The following GIMAP1 variants were observed in gnomAD, a reference collection of about 807,000 sequenced individuals.
GIMAP1 encodes the protein GTPase, IMAP family member 1, also known as GTPase IMAP family member 1.
For missense variants in GIMAP1, 423 were observed against 411.9 expected (o/e 1.03, Z -0.23); for synonymous variants, 230 against 187.7 (o/e 1.23, Z -1.84).
Position 150,719,033 on chromosome 7 carries a change from C to T in GIMAP1, c.-6-9C>T, listed in dbSNP as rs373631472. 1.3e-4 allele frequency: 207 copies of T among 1,613,978 alleles called. No individual in the cohort carries two copies. Among genetic ancestry groups the T allele is most frequent in the Non-Finnish European group, 1.7e-4 (198 of 1,180,020 alleles). On this transcript the variant is annotated splice_polypyrimidine_tract_variant and intron_variant, in intron 1 of 2. Transcript: ENST00000307194. ...ATGAATTAACAAATTGTGTTTGGGACTCTTCCAGGTAAGCATGGGAGGAAG... is the reference window on the plus strand; with the variant it reads ...ATGAATTAACAAATTGTGTTTGGGATTCTTCCAGGTAAGCATGGGAGGAAG...
Position 150,720,662 on chromosome 7 carries a change from T to G in GIMAP1, c.658T>G (p.Tyr220Asp). The G allele has an allele frequency of 6.2e-7, 1 of 1,606,568 alleles. No homozygotes were observed. The change falls in exon 3 of 3, where the codon TAC (tyrosine) becomes GAC (aspartate). Residue 220 changes from tyrosine (Y) to aspartate (D), a missense_variant. Tyr to Asp is a radical substitution (Grantham distance 160, BLOSUM62 -3). Transcript: ENST00000307194. This position sits in a 1 kb window ranked among gnomAD's most constrained non-coding sequence, Gnocchi z 4.5. ...GLVLEHKGAHYSNEVYELAQV... is the reference protein window; with the variant it reads ...GLVLEHKGAHDSNEVYELAQV... ...GGTGCTGGAGCACAAGGGCGCCCAT[T>G]ACTCCAACGAGGTGTATGAGCTGGC...
chr7:150,720,013 A>C lies in GIMAP1; in HGVS notation c.44-35A>C. 6.6e-7 allele frequency: 1 copy of C among 1,514,938 alleles called. No individual in the cohort carries two copies. The highest frequency in any genetic ancestry group is 1.8e-4 in the Middle Eastern group (1 of 5,610). 93.8% of individuals were successfully genotyped at this position (1,514,938 alleles called of 1,614,324 possible). A position where few individuals can be genotyped will look rare whatever the true frequency, so the allele number is the denominator to read the frequency against. On this transcript the variant is annotated intron_variant, in intron 2 of 2. Coordinates refer to ENST00000307194, the MANE Select transcript of GIMAP1 (RefSeq NM_130759.4). This position sits in a 1 kb window ranked among gnomAD's most constrained non-coding sequence, Gnocchi z 4.5. Reference sequence around the variant, plus strand: ...TCCAGTTCCCAAGGGGAAGTTGGTTAAACTTAAGTAAGATTATAACACTTG... The same window carrying C: ...TCCAGTTCCCAAGGGGAAGTTGGTTCAACTTAAGTAAGATTATAACACTTG...
Position 150,720,395 on chromosome 7 carries a change from G to A in GIMAP1, c.391G>A (p.Ala131Thr). The change falls in exon 3 of 3, where the codon GCG becomes ACG. Residue 131 changes from alanine (A) to threonine (T), a missense_variant. By Grantham distance (58) the Ala-to-Thr change is moderately conservative. Coordinates refer to ENST00000307194, the MANE Select transcript of GIMAP1 (RefSeq NM_130759.4). This position sits in a 1 kb window ranked among gnomAD's most constrained non-coding sequence, Gnocchi z 4.5. The stretch of plus-strand genomic sequence containing the variant: ...TCGGTTCACCGCCCAGGACCAGCAG[G>A]CGGTGAGGCAGGTGAGGGACATGTT... ...LGRFTAQDQQ[A>T]VRQVRDMFGE... The A allele has an allele frequency of 6.3e-7, 1 of 1,593,244 alleles. No homozygotes were observed. The highest frequency in any genetic ancestry group is 8.6e-7 in the Non-Finnish European group (1 of 1,167,376).
rs1426208275 is a variant in GIMAP1 at position 150,722,884 on chromosome 7, G to A, written c.*1959G>A. On this transcript the variant is annotated 3_prime_UTR_variant, in exon 3 of 3. Coordinates refer to ENST00000307194, the MANE Select transcript of GIMAP1 (RefSeq NM_130759.4). ...GCCAAAACTTCCAGCTGTTGCCTTA[G>A]CAATGGTAACCTGACGTGGCACTGG... The A allele has an allele frequency of 2.6e-5, 4 of 152,208 alleles. No homozygotes were observed. Among genetic ancestry groups the A allele is most frequent in the Non-Finnish European group, 5.9e-5 (4 of 68,054 alleles). The allele number at this position is 152,208 out of a possible 1,614,324, so 9.4% of individuals were successfully genotyped here.
chr7:150,722,757 T>A lies in GIMAP1; in HGVS notation c.*1832T>A, dbSNP rs936174209. ...GGAAGCAGTACTGCAATCACATTTA[T>A]ACCCACTTTCAACTATATGCAAATT... On this transcript the variant is annotated 3_prime_UTR_variant, in exon 3 of 3. Transcript: ENST00000307194. The A allele has an allele frequency of 5.9e-5, 9 of 152,290 alleles. No homozygotes were observed. The highest frequency in any genetic ancestry group is 2.2e-4 in the African/African-American group (9 of 41,472). The allele number at this position is 152,290 out of a possible 1,614,324, so 9.4% of individuals were successfully genotyped here. A position where few individuals can be genotyped will look rare whatever the true frequency, so the allele number is the denominator to read the frequency against.
At position 150,720,323 on chromosome 7, in the gene GIMAP1, C is replaced by T. The variant is rs371565531; in HGVS notation, c.319C>T (p.Leu107Phe). The T allele has an allele frequency of 5.6e-6, 9 of 1,613,968 alleles. No homozygotes were observed. Among genetic ancestry groups the T allele is most frequent in the African/African-American group, 1.3e-5 (1 of 74,960 alleles). The change falls in exon 3 of 3, where the codon CTC becomes TTC. Residue 107 changes from leucine to phenylalanine, a missense_variant. Coordinates refer to ENST00000307194, the MANE Select transcript of GIMAP1 (RefSeq NM_130759.4). The surrounding 1 kb of genome is among the most constrained non-coding windows in gnomAD (Gnocchi z 4.5). ...GCEERGHCYL[L>F]SAPGPHALLL... is the part of the protein sequence containing the mutation. ...TGAGGAGAGAGGTCACTGCTACCTG[C>T]TCTCGGCCCCCGGACCCCACGCGCT... is the stretch of plus-strand genomic sequence containing the variant.
intron 1 of GIMAP1, among the ~76,000 whole-genome samples, chr7:150,718,507 G>A (rs1797248390): frequency 6.6e-6 from 1 of 152,122 alleles, no homozygotes; most frequent in African/African-American, 2.4e-5. Flanking sequence ...TAAGTCACTG[G>A]GCACATTTTC....
In GIMAP1 at chr7:150,720,860, C is replaced by T. The variant is rs762295446; in HGVS notation, c.856C>T (p.Leu286Phe). ...CCTGGCCCTGCTGCTGGGGGGCGCG[C>T]TCCTGTTCTGGGTGCTGCTCCACAG... is the stretch of plus-strand genomic sequence containing the variant. ...LGLALLLGGA[L>F]LFWVLLHRRW... The change falls in exon 3 of 3, where the codon CTC (leucine) becomes TTC (phenylalanine). Residue 286 changes from leucine to phenylalanine, a missense_variant. By Grantham distance (22) the Leu-to-Phe change is conservative. Coordinates refer to ENST00000307194, the MANE Select transcript of GIMAP1 (RefSeq NM_130759.4). The surrounding 1 kb of genome is among the most constrained non-coding windows in gnomAD (Gnocchi z 4.5). 1.2e-6 allele frequency: 2 copies of T among 1,605,510 alleles called. No homozygotes were observed. The highest frequency in any genetic ancestry group is 2.2e-5 in the South Asian group (2 of 90,616).
chr7:150,720,136 G>A lies in GIMAP1; in HGVS notation c.132G>A (p.Gly44=), dbSNP rs373301494. The change falls in exon 3 of 3, where the codon GGG becomes GGA. Residue 44 remains glycine, a synonymous_variant. Coordinates refer to ENST00000307194, the MANE Select transcript of GIMAP1 (RefSeq NM_130759.4). The surrounding 1 kb of genome is among the most constrained non-coding windows in gnomAD (Gnocchi z 4.5). ...CAGGGGCCGGGAAGAGCGCCACTGG[G>A]AACAGCATCCTGGGCCAGAGACGGT... ...GRTGAGKSAT[G]NSILGQRRFF... is the part of the protein sequence containing the mutation. 7 of 1,614,054 alleles carry A rather than the reference G, an allele frequency of 4.3e-6. No individual in the cohort carries two copies. The highest frequency in any genetic ancestry group is 1.3e-5 in the African/African-American group (1 of 75,056).
Position 150,720,888 on chromosome 7 carries a change from G to T in GIMAP1, c.884G>T (p.Arg295Leu). The change falls in exon 3 of 3, where the codon CGG (arginine) becomes CTG (leucine). Residue 295 changes from arginine (R) to leucine (L), a missense_variant. Physicochemically the swap from Arg to Leu is moderately radical, Grantham distance 102. Coordinates refer to ENST00000307194, the MANE Select transcript of GIMAP1 (RefSeq NM_130759.4). The surrounding 1 kb of genome is among the most constrained non-coding windows in gnomAD (Gnocchi z 4.5). The stretch of plus-strand genomic sequence containing the variant: ...CTGTTCTGGGTGCTGCTCCACAGGC[G>T]GTGGTCGGAGGCCGTTGCGGAGGTC... ...ALLFWVLLHR[R>L]WSEAVAEVGP... The T allele has an allele frequency of 6.3e-7, 1 of 1,593,364 alleles. No individual in the cohort carries two copies. The highest frequency in any genetic ancestry group is 2.2e-5 in the East Asian group (1 of 44,708).
chr7:150,717,395 T>A (rs1797232449), intron 1 of GIMAP1, among the ~76,000 whole-genome samples: 1 of 152,212 alleles, frequency 6.6e-6, no homozygotes, highest in African/African-American at 2.4e-5. Context: ...TGTACATTTT[T>A]AAAGAACATT....
rs1487409864 is a variant in GIMAP1, at chr7:150,722,762, A to T, written c.*1837A>T. On this transcript the variant is annotated 3_prime_UTR_variant, in exon 3 of 3. Transcript: ENST00000307194. ...CAGTACTGCAATCACATTTATACCC[A>T]CTTTCAACTATATGCAAATTTAGGG... The T allele has an allele frequency of 6.6e-6, 1 of 152,196 alleles. No individual in the cohort carries two copies. Among genetic ancestry groups the T allele is most frequent in the Non-Finnish European group, 1.5e-5 (1 of 68,032 alleles). The allele number at this position is 152,196 out of a possible 1,614,324, so 9.4% of individuals were successfully genotyped here. A position where few individuals can be genotyped will look rare whatever the true frequency, so the allele number is the denominator to read the frequency against.
rs1475412516 is a variant in GIMAP1 at position 150,719,057 on chromosome 7, A to G, written c.10A>G (p.Arg4Gly). MGGRKMATDEENVY... is the reference protein window; with the variant it reads MGGGKMATDEENVY... ...ACTCTTCCAGGTAAGCATGGGAGGA[A>G]GGAAGATGGCGACAGATGAAGAAAA... is the stretch of plus-strand genomic sequence containing the variant. The change falls in exon 2 of 3, where the codon AGG (arginine) becomes GGG (glycine). Residue 4 changes from arginine to glycine, a missense_variant. Physicochemically the swap from Arg to Gly is moderately radical, Grantham distance 125 (BLOSUM62 -2). Transcript: ENST00000307194. 5.0e-6 allele frequency: 8 copies of G among 1,614,210 alleles called. No homozygotes were observed. Among genetic ancestry groups the G allele is most frequent in the Middle Eastern group, 1.7e-4 (1 of 6,060 alleles).
Position 150,720,346 on chromosome 7 carries a change from G to T in GIMAP1, c.342G>T (p.Ala114=). The T allele has an allele frequency of 6.2e-7, 1 of 1,611,828 alleles. No homozygotes were observed. The highest frequency in any genetic ancestry group is 8.5e-7 in the Non-Finnish European group (1 of 1,178,628). Residue 114 remains alanine, a synonymous_variant, in exon 3 of 3, where the codon GCG becomes GCT. Coordinates refer to ENST00000307194, the MANE Select transcript of GIMAP1 (RefSeq NM_130759.4). The surrounding 1 kb of genome is among the most constrained non-coding windows in gnomAD (Gnocchi z 4.5). ...CYLLSAPGPH[A]LLLVTQLGRF... ...TGCTCTCGGCCCCCGGACCCCACGC[G>T]CTGCTCCTGGTGACCCAGTTGGGTC...
rs199704494 is a variant in GIMAP1 at position 150,720,250 on chromosome 7, C to T, written c.246C>T (p.Asp82=). 7.0e-5 allele frequency: 113 copies of T among 1,614,186 alleles called. No individual in the cohort carries two copies. Among genetic ancestry groups the T allele is most frequent in the Admixed American group, 1.2e-4 (7 of 60,036 alleles). The stretch of plus-strand genomic sequence containing the variant: ...ACAAGTGCCACGTGGAAGTCGTGGA[C>T]ACTCCGGACATTTTCAGCTCCCAAG... The part of the protein sequence containing the change: ...RWDKCHVEVV[D]TPDIFSSQVS... Residue 82 remains aspartate (D), a synonymous_variant, in exon 3 of 3, where the codon GAC becomes GAT. Coordinates refer to ENST00000307194, the MANE Select transcript of GIMAP1 (RefSeq NM_130759.4). The surrounding 1 kb of genome is among the most constrained non-coding windows in gnomAD (Gnocchi z 4.5).
At position 150,721,796 on chromosome 7, in the gene GIMAP1, AAAAAAAAAAAG is replaced by A. The variant is rs2116545738; in HGVS notation, c.*876_*886del. 1 of 142,868 alleles carries A rather than the reference AAAAAAAAAAAG, an allele frequency of 7.0e-6. No individual in the cohort carries two copies. Among genetic ancestry groups the A allele is most frequent in the Non-Finnish European group, 1.5e-5 (1 of 67,240 alleles). 8.9% of individuals were successfully genotyped at this position (142,868 alleles called of 1,614,324 possible). A position where few individuals can be genotyped will look rare whatever the true frequency, so the allele number is the denominator to read the frequency against. On this transcript the variant is annotated 3_prime_UTR_variant, in exon 3 of 3. Transcript: ENST00000307194. Reference sequence around the variant, plus strand: ...GTGACAAAGCAAGAATCTGTCTCAAAAAAAAAAAAAGAAAAGAAAAGAAAAAGAAAAAGAGT... The same window carrying A: ...GTGACAAAGCAAGAATCTGTCTCAAAAAAAGAAAAGAAAAAGAAAAAGAGT...
chr7:150,720,084 C>T lies in GIMAP1; in HGVS notation c.80C>T (p.Thr27Met), dbSNP rs75609333. ...EENAQSRQES[T>M]RRLILVGRTG... ...AACGCTCAGTCCCGGCAGGAGTCCA[C>T]GCGGAGGCTCATCCTTGTTGGGAGA... The change falls in exon 3 of 3, where the codon ACG becomes ATG. Residue 27 changes from threonine (T) to methionine (M), a missense_variant. Physicochemically the swap from Thr to Met is moderately conservative, Grantham distance 81. Coordinates refer to ENST00000307194, the MANE Select transcript of GIMAP1 (RefSeq NM_130759.4). This position sits in a 1 kb window ranked among gnomAD's most constrained non-coding sequence, Gnocchi z 4.5. 2.6e-4 allele frequency: 413 copies of T among 1,612,220 alleles called. No individual in the cohort carries two copies. In the African/African-American group the frequency reaches 4.6e-3, roughly 18 times the overall value.
At chr7:150,718,140 T>G (rs1797243781) in intron 1 of GIMAP1, among the ~76,000 whole-genome samples, 1 of 151,928 alleles carries the variant, frequency 6.6e-6, no homozygotes, top group South Asian at 2.1e-4. Context: ...GCTGACCGAG[T>G]GGGGTATTGT....
Position 150,720,803 on chromosome 7 carries a change from T to A in GIMAP1, c.799T>A (p.Trp267Arg). ...CTGGCTGTCGGCCCGGCTGTGGAAG[T>A]GGCTGAAGTCCCCCAGGAGCTGGAG... ...GAWLSARLWK[W>R]LKSPRSWRLG... is the part of the protein sequence containing the mutation. The change falls in exon 3 of 3, where the codon TGG becomes AGG. Residue 267 changes from tryptophan to arginine, a missense_variant. By Grantham distance (101) the Trp-to-Arg change is moderately radical (BLOSUM62 -3). Transcript: ENST00000307194. This position sits in a 1 kb window ranked among gnomAD's most constrained non-coding sequence, Gnocchi z 4.5. The A allele has an allele frequency of 1.3e-6, 2 of 1,593,232 alleles. No homozygotes were observed. Among genetic ancestry groups the A allele is most frequent in the Non-Finnish European group, 1.7e-6 (2 of 1,171,236 alleles).
Sources: gnomAD v4.1 joint callset for allele counts (sites outside exome capture counted in the v4.1 genomes callset) on GRCh38, gnomAD v4.1.1 for gene constraint, Gnocchi (gnomAD v3.1) non-coding constraint, MANE v1.5 for transcripts, NCBI Gene and HGNC (gene_info 2026-07-23, HGNC 2026-07-21) for gene names.